The following PLXNA4 variants were observed in gnomAD, a reference collection of about 807,000 sequenced individuals.
PLXNA4 encodes plexin A4.
In PLXNA4, 44 loss-of-function variants were observed where a neutral mutation model predicts 191.8. The observed-to-expected ratio is 0.23, with a 90% CI of 0.18 to 0.29. The LOEUF is 0.29. Ranked by LOEUF, PLXNA4 falls within the 10% of genes least tolerant of loss-of-function variation. The pLI is 1.00. For missense variants in PLXNA4, 1,800 were observed against 2,488.8 expected, an observed-to-expected ratio of 0.72 and a Z score of 5.89; for synonymous variants, 1,082 against 1,009.5, an observed-to-expected ratio of 1.07 and a Z score of -1.36.
upstream of PLXNA4, among the ~76,000 whole-genome samples, chr7:132,582,180 C>A (rs1802414588): frequency 2.0e-5 from 3 of 152,230 alleles, no homozygotes; most frequent in South Asian, 6.2e-4. Context: ...TCTCTCTTGG[C>A]ACTGCCTAGT....
intron 3 of PLXNA4, among the ~76,000 whole-genome samples, chr7:132,382,205 G>T (rs2116946056): frequency 6.6e-6 from 1 of 152,300 alleles, no homozygotes; most frequent in African/African-American, 2.4e-5. Flanking sequence ...TTTCCCTGAA[G>T]CCCAGAGAAG....
chr7:132,416,244 C>G (rs994531827), intron 3 of PLXNA4, among the ~76,000 whole-genome samples: 1 of 152,130 alleles, frequency 6.6e-6, no homozygotes, highest in African/African-American at 2.4e-5. Flanking sequence ...GTGAGTTCTT[C>G]CCATCTAGAA....
chr7:132,507,857 C>T lies in PLXNA4; in HGVS notation c.837G>A (p.Lys279=). 6.2e-7 allele frequency: 1 copy of T among 1,614,208 alleles called. No individual in the cohort carries two copies. Among genetic ancestry groups the T allele is most frequent in the South Asian group, 1.1e-5 (1 of 91,088 alleles). ...STTKEQVYTS[K]LVRLCKEDTA... Reference sequence around the variant, plus strand: ...TGTCCTCCTTGCAAAGCCTCACGAGCTTGGATGTATACACCTGCTCCTTGG... The same window carrying T: ...TGTCCTCCTTGCAAAGCCTCACGAGTTTGGATGTATACACCTGCTCCTTGG... Residue 279 remains lysine, a synonymous_variant, in exon 2 of 32, where the codon AAG becomes AAA. Transcript: ENST00000321063.
At chr7:132,563,329 CCTCCTCCTTCTCCTCCTCTTT>C (rs1563175926) in intron 1 of PLXNA4, among the ~76,000 whole-genome samples, 1 of 118,822 alleles carries the variant, frequency 8.4e-6, no homozygotes, top group Admixed American at 8.0e-5. Context: ...TCCTTCTCCT[CCTCCTCCTTCTCCTCCTCTTT>C]CTCCTCCTTC....
At chr7:132,259,470 AAAAG>A (rs1799554137) in intron 4 of PLXNA4, among the ~76,000 whole-genome samples, 1 of 131,274 alleles carries the variant, frequency 7.6e-6, no homozygotes, top group African/African-American at 3.1e-5. Context: ...AAAAAAAAAA[AAAAG>A]AAAAAAGGAA....
chr7:132,167,561 G>T (rs914518374), intron 22 of PLXNA4, among the ~76,000 whole-genome samples: 3 of 152,078 alleles, frequency 2.0e-5, no homozygotes, highest in East Asian at 3.9e-4. Flanking sequence ...TAGCGACAGG[G>T]TCTTGCTCTG....
At chr7:132,240,403 A>G (rs1374017841) in intron 5 of PLXNA4, among the ~76,000 whole-genome samples, 2 of 152,200 alleles carry the variant, frequency 1.3e-5, no homozygotes, top group African/African-American at 4.8e-5. Flanking sequence ...TCTTCTGAAT[A>G]ATAAAATGGA....
In PLXNA4 at chr7:132,191,818, C is replaced by CTATA. The variant is rs568486212; in HGVS notation, c.2856+2240_2856+2243dup. On this transcript the variant is annotated intron_variant, in intron 14 of 31. Transcript: ENST00000321063. ...TCTGTCTCTATGTCTATATCATATA[C>CTATA]TATATATATATATATACACACACAC... is the stretch of plus-strand genomic sequence containing the variant. Among the ~76,000 whole-genome samples the CTATA allele has an allele frequency of 7.2e-3, 958 of 133,714 alleles. 13 individuals carry two copies. Among genetic ancestry groups the CTATA allele is most frequent in the African/African-American group, 0.027 (921 of 34,070 alleles). The allele number at this position is 133,714 out of a possible 152,430, so 87.7% of individuals were successfully genotyped here. A position where few individuals can be genotyped will look rare whatever the true frequency, so the allele number is the denominator to read the frequency against.
chr7:132,371,407 T>C (rs1167415078), intron 3 of PLXNA4, among the ~76,000 whole-genome samples: 1 of 152,210 alleles, frequency 6.6e-6, no homozygotes, highest in Non-Finnish European at 1.5e-5. Context: ...ATCTTACAGC[T>C]ATTCCTGTAT....
At chr7:132,576,880 C>G (rs1802264666), upstream of PLXNA4, 1 of 151,128 alleles carries the variant, frequency 6.6e-6, no homozygotes, top group Non-Finnish European at 1.5e-5. The surrounding 1 kb of genome is among the most constrained non-coding windows in gnomAD (Gnocchi z 5.8). Flanking sequence ...CCATGCTCGC[C>G]CGGTCGGGCC....
intron 3 of PLXNA4, among the ~76,000 whole-genome samples, chr7:132,375,420 G>A (rs572916241): frequency 1.2e-4 from 19 of 152,272 alleles, no homozygotes; most frequent in Admixed American, 9.8e-4. Flanking sequence ...CATGGACTTG[G>A]CTCCCCAGCC....
chr7:132,330,296 C>G (rs1478749804), intron 3 of PLXNA4, among the ~76,000 whole-genome samples: 1 of 152,148 alleles, frequency 6.6e-6, no homozygotes, highest in Non-Finnish European at 1.5e-5. Flanking sequence ...TGCTGGCCAC[C>G]TTACATCAGG....
intron 1 of PLXNA4, among the ~76,000 whole-genome samples, chr7:132,520,652 T>A (rs1004861206): frequency 3.3e-5 from 5 of 152,148 alleles, no homozygotes; most frequent in African/African-American, 7.2e-5. Flanking sequence ...GGCCTAGAAA[T>A]GATAATACAT....
chr7:132,210,808 G>A (rs1797773853), intron 10 of PLXNA4, 135 bp downstream of exon 10: 6 of 985,732 alleles, frequency 6.1e-6, no homozygotes, highest in Non-Finnish European at 9.0e-6. Context: ...AGCAGGCATG[G>A]GGGAAGCAGG....
chr7:132,487,900 G>A (rs977716460), intron 3 of PLXNA4, among the ~76,000 whole-genome samples: 1 of 152,340 alleles, frequency 6.6e-6, no homozygotes, highest in Admixed American at 6.5e-5. Context: ...TTTCTTCACA[G>A]AACGGAGGTA....
rs535717604 is a variant in PLXNA4, at chr7:132,405,274, C to A, written c.1371+84018G>T. On this transcript the variant is annotated intron_variant, in intron 3 of 31. Coordinates refer to ENST00000321063, the MANE Select transcript of PLXNA4 (RefSeq NM_020911.2). ...AGTCTGGGTTTGAAATGGGCTACCG[C>A]AATGCCGAGTTTTGGGTTCCTTGTA... is the stretch of plus-strand genomic sequence containing the variant. Among the ~76,000 whole-genome samples, 23 of 152,228 alleles carry A rather than the reference C, an allele frequency of 1.5e-4. No homozygotes were observed. In the South Asian group the frequency reaches 1.9e-3, roughly 12 times the overall value.
At chr7:132,436,730 G>C (rs999251485) in intron 3 of PLXNA4, among the ~76,000 whole-genome samples, 2 of 152,238 alleles carry the variant, frequency 1.3e-5, no homozygotes, top group African/African-American at 4.8e-5. Context: ...GACAGAGATA[G>C]TGAAAAGGTC....
At chr7:132,410,806 C>G (rs1393762985) in intron 3 of PLXNA4, among the ~76,000 whole-genome samples, 1 of 152,188 alleles carries the variant, frequency 6.6e-6, no homozygotes, top group African/African-American at 2.4e-5. Flanking sequence ...TCGACTCCAG[C>G]TAGTTCCCCT....
chr7:132,604,229 G>A (rs1404020166), intron 2 of PLXNA4, among the ~76,000 whole-genome samples: 3 of 152,166 alleles, frequency 2.0e-5, no homozygotes, highest in Non-Finnish European at 4.4e-5. Context: ...AGAGAAATCA[G>A]TCTCTCTCTG....
Sources: gnomAD v4.1 joint callset for allele counts (sites outside exome capture counted in the v4.1 genomes callset) on GRCh38, gnomAD v4.1.1 for gene constraint, Gnocchi (gnomAD v3.1) non-coding constraint, MANE v1.5 for transcripts, NCBI Gene and HGNC (gene_info 2026-07-23, HGNC 2026-07-21) for gene names.